Variants in DCC observed in about 807,000 individuals in gnomAD.
The protein encoded by DCC is DCC netrin 1 receptor, also known as netrin receptor DCC.
DCC carries 58 observed loss-of-function variants against 172.5 expected under a neutral mutation model. The observed-to-expected ratio is 0.34, with a 90% CI of 0.27 to 0.42. The LOEUF is 0.42. Ranked by LOEUF, DCC falls within the 10% of genes least tolerant of loss-of-function variation. DCC has a pLI of 1.00. For missense variants in DCC, 1,740 were observed against 1,791.0 expected (o/e 0.97, Z 0.51); for synonymous variants, 709 against 644.5 (o/e 1.10, Z -1.52).
chr18:52,856,635 A>AAAAAAG (rs1555673733), intron 2 of DCC, among the ~76,000 whole-genome samples: 14 of 150,076 alleles, frequency 9.3e-5, no homozygotes, highest in Admixed American at 7.9e-4. Flanking sequence ...CAAAAAAAAA[A>AAAAAAG]AAAAAAAAGA....
At chr18:53,145,932 T>C (rs997031929) in intron 7 of DCC, among the ~76,000 whole-genome samples, 1 of 152,120 alleles carries the variant, frequency 6.6e-6, no homozygotes, top group Non-Finnish European at 1.5e-5. Flanking sequence ...TGTACTTTTA[T>C]AACAAAATAC....
chr18:53,420,691 T>C (rs1412012557), intron 21 of DCC, among the ~76,000 whole-genome samples: 1 of 152,132 alleles, frequency 6.6e-6, no homozygotes, highest in Non-Finnish European at 1.5e-5. Context: ...TACCCTATGA[T>C]TTCATTTAAC....
intron 2 of DCC, among the ~76,000 whole-genome samples, chr18:52,853,989 C>T (rs918502784): frequency 2.6e-5 from 4 of 152,186 alleles, no homozygotes; most frequent in African/African-American, 9.7e-5. Flanking sequence ...TCATTAGCCA[C>T]TCAGTTTTTG....
At chr18:53,228,092 G>T (rs866418614) in intron 12 of DCC, among the ~76,000 whole-genome samples, 1 of 152,064 alleles carries the variant, frequency 6.6e-6, no homozygotes, top group Non-Finnish European at 1.5e-5. Flanking sequence ...GTATCAACAT[G>T]TATTTCTCTA....
In DCC at chr18:52,775,993, A is replaced by G. The variant is rs534393710; in HGVS notation, c.412+23619A>G. 1.3e-4 allele frequency among the ~76,000 whole-genome samples: 20 copies of G among 152,254 alleles called. No homozygotes were observed. The South Asian group carries it at 3.7e-3, about 28-fold the overall frequency. ...CTGTCATCAAGATGTTCCCAGCACAATAGGGAACTTCTTTCTCACTCACAC... is the reference window on the plus strand; with the variant it reads ...CTGTCATCAAGATGTTCCCAGCACAGTAGGGAACTTCTTTCTCACTCACAC... On this transcript the variant is annotated intron_variant, in intron 2 of 28. Coordinates refer to ENST00000442544, the MANE Select transcript of DCC (RefSeq NM_005215.4).
At chr18:53,223,474 A>G in intron 12 of DCC, among the ~76,000 whole-genome samples, 1 of 152,086 alleles carries the variant, frequency 6.6e-6, no homozygotes, top group Non-Finnish European at 1.5e-5. Flanking sequence ...CTTTCCATGA[A>G]GTTTAATGAG....
intron 23 of DCC, among the ~76,000 whole-genome samples, chr18:53,458,027 T>A (rs926318752): frequency 2.0e-5 from 3 of 152,166 alleles, no homozygotes; most frequent in Non-Finnish European, 4.4e-5. Context: ...TTGCACAGGT[T>A]ACAGGTGTTT....
At chr18:53,352,250 T>C (rs2057821067) in intron 15 of DCC, among the ~76,000 whole-genome samples, 1 of 152,044 alleles carries the variant, frequency 6.6e-6, no homozygotes. Flanking sequence ...AGTGCCAGAG[T>C]TTAATCATAG....
At chr18:52,847,622 C>T (rs534256772) in intron 2 of DCC, among the ~76,000 whole-genome samples, 2 of 152,290 alleles carry the variant, frequency 1.3e-5, no homozygotes, top group South Asian at 2.1e-4. Context: ...CGTTCCCTCC[C>T]TCCAAGACAC....
chr18:52,751,793 A>G (rs2036998468), intron 1 of DCC, among the ~76,000 whole-genome samples: 1 of 152,128 alleles, frequency 6.6e-6, no homozygotes, highest in Non-Finnish European at 1.5e-5. Context: ...TGTGGTAATA[A>G]GCATGCCAGG....
At chr18:53,278,750 C>T (rs1372380091) in intron 12 of DCC, among the ~76,000 whole-genome samples, 1 of 152,168 alleles carries the variant, frequency 6.6e-6, no homozygotes, top group Non-Finnish European at 1.5e-5. Context: ...GCCAGATGTG[C>T]ATAAATGCTT....
At chr18:53,412,626 C>T (rs945875559) in intron 20 of DCC, among the ~76,000 whole-genome samples, 12 of 145,792 alleles carry the variant, frequency 8.2e-5, no homozygotes, top group Admixed American at 5.5e-4. Context: ...TTAGATGTCC[C>T]GAAGCTGAGA....
At chr18:52,390,551 A>G (rs1985991554) in intron 1 of DCC, among the ~76,000 whole-genome samples, 1 of 152,018 alleles carries the variant, frequency 6.6e-6, no homozygotes, top group South Asian at 2.1e-4. Context: ...CACTATAGTC[A>G]TTTGTGTTTG....
chr18:52,624,828 G>A (rs1457759813), intron 1 of DCC, among the ~76,000 whole-genome samples: 2 of 152,156 alleles, frequency 1.3e-5, no homozygotes, highest in African/African-American at 2.4e-5. Context: ...GTTTAAAAGC[G>A]CAACTAGGCA....
At chr18:53,063,658 C>G in intron 6 of DCC, 199 bp downstream of exon 6, 2 of 545,724 alleles carry the variant, frequency 3.7e-6, no homozygotes, top group Non-Finnish European at 6.5e-6. Flanking sequence ...AAGAATTCAG[C>G]CCCCTGGTTT....
chr18:53,287,131 C>A (rs1426025104), intron 12 of DCC, among the ~76,000 whole-genome samples: 5 of 152,192 alleles, frequency 3.3e-5, no homozygotes, highest in Non-Finnish European at 5.9e-5. Context: ...ATTCACCTCT[C>A]ATCTTCCAGT....
intron 1 of DCC, among the ~76,000 whole-genome samples, chr18:52,395,058 C>A (rs561518019): frequency 6.6e-6 from 1 of 152,084 alleles, no homozygotes; most frequent in East Asian, 1.9e-4. Context: ...TAACATCTAT[C>A]AACTGTACAA....
At chr18:52,942,721 C>T (rs778056725) in intron 5 of DCC, among the ~76,000 whole-genome samples, 9 of 152,134 alleles carry the variant, frequency 5.9e-5, no homozygotes, top group Non-Finnish European at 1.2e-4. Flanking sequence ...AATTATCTCC[C>T]GCCAGGTCCC....
At chr18:53,368,336 T>C (rs1019311222) in intron 15 of DCC, among the ~76,000 whole-genome samples, 5 of 152,182 alleles carry the variant, frequency 3.3e-5, no homozygotes, top group African/African-American at 1.2e-4. Context: ...TGCATATTAA[T>C]ATTTTATCAG....
Sources: gnomAD v4.1 joint callset for allele counts (sites outside exome capture counted in the v4.1 genomes callset) on GRCh38, gnomAD v4.1.1 for gene constraint, MANE v1.5 for transcripts, NCBI Gene and HGNC (gene_info 2026-07-23, HGNC 2026-07-21) for gene names.